Variants in NLRP4 observed in about 807,000 individuals in gnomAD.
NLRP4 encodes the protein NACHT, LRR and PYD domains-containing protein 4.
In NLRP4, 44 loss-of-function variants were observed where a neutral mutation model predicts 84.7. The observed-to-expected ratio is 0.52, with a 90% CI of 0.41 to 0.67. The LOEUF (loss-of-function observed/expected upper bound fraction) is 0.67, where lower values mean the gene tolerates loss of function less well. Ranked by LOEUF, NLRP4 falls within the 30% of genes least tolerant of loss-of-function variation. The pLI, the probability that NLRP4 is intolerant of heterozygous loss-of-function variation, is 0.00. For missense variants in NLRP4, 1,260 were observed against 1,219.4 expected, an observed-to-expected ratio of 1.03 and a Z score of -0.50; for synonymous variants, 544 against 476.4, an observed-to-expected ratio of 1.14 and a Z score of -1.85.
chr19:55,867,690 C>T lies in NLRP4; in HGVS notation c.2187-19C>T, dbSNP rs1471356567. 5 of 1,607,458 alleles carry T rather than the reference C, an allele frequency of 3.1e-6. No homozygotes were observed. The highest frequency in any genetic ancestry group is 1.3e-5 in the African/African-American group (1 of 74,978). ...GGAACTAGAAACCAACAGAATGTGACATTTTCCCTTTCCTGCAGGCTGGTA... is the reference window on the plus strand; with the variant it reads ...GGAACTAGAAACCAACAGAATGTGATATTTTCCCTTTCCTGCAGGCTGGTA... On this transcript the variant is annotated intron_variant, in intron 5 of 9. Transcript: ENST00000301295.
At chr19:55,878,591 G>T (rs1985462645) in intron 8 of NLRP4, among the ~76,000 whole-genome samples, 1 of 152,190 alleles carries the variant, frequency 6.6e-6, no homozygotes, top group Non-Finnish European at 1.5e-5. Flanking sequence ...ATTGCTGTGG[G>T]CAGGGATACA....
At chr19:55,873,087 A>C (rs977974304) in intron 7 of NLRP4, among the ~76,000 whole-genome samples, 2 of 152,192 alleles carry the variant, frequency 1.3e-5, no homozygotes, top group African/African-American at 4.8e-5. Context: ...GGATAAAAAC[A>C]CATTTTCAAA....
At chr19:55,877,269 G>A (rs1985410440) in intron 8 of NLRP4, 103 bp downstream of exon 8, 2 of 1,046,148 alleles carry the variant, frequency 1.9e-6, no homozygotes, top group South Asian at 2.9e-5. Context: ...CCACATAGCA[G>A]CTAGCTGTGG....
At position 55,870,964 on chromosome 19, in the gene NLRP4, T is replaced by C; in HGVS notation, c.2492T>C (p.Leu831Ser). Reference protein sequence around the residue: ...DEGLKTLCEALKHPDCCLDSL... With the variant: ...DEGLKTLCEASKHPDCCLDSL... ...GGACTGAAAACTCTCTGCGAGGCCT[T>C]GAAACATCCGGACTGCTGCCTGGAT... is the stretch of plus-strand genomic sequence containing the variant. The change falls in exon 7 of 10, where the codon TTG becomes TCG. Residue 831 changes from leucine (L) to serine (S), a missense_variant. Transcript: ENST00000301295. The C allele has an allele frequency of 1.2e-6, 2 of 1,614,192 alleles. No homozygotes were observed. The highest frequency in any genetic ancestry group is 2.2e-5 in the South Asian group (2 of 91,088).
At chr19:55,856,805 C>T (rs1427084309) in intron 2 of NLRP4, among the ~76,000 whole-genome samples, 1 of 152,142 alleles carries the variant, frequency 6.6e-6, no homozygotes, top group East Asian at 1.9e-4. Flanking sequence ...TGAACCACTG[C>T]CCCGGCCTGT....
rs752057644 is a variant in NLRP4, at chr19:55,857,742, A to G, written c.349A>G (p.Thr117Ala). ...FSRLWSSKSV[T>A]EIHLYFEEEV... ...CCGCTTATGGTCCAGCAAGTCTGTC[A>G]CTGAGATTCACCTATACTTTGAGGA... Residue 117 changes from threonine (T) to alanine (A), a missense_variant, in exon 3 of 10, where the codon ACT becomes GCT. By Grantham distance (58) the Thr-to-Ala change is moderately conservative. Around this residue, in one of 3 missense-constraint regions of NLRP4, gnomAD observed 712 missense variants for 669.2 expected, o/e 1.06. Transcript: ENST00000301295. 3.1e-6 allele frequency: 5 copies of G among 1,613,796 alleles called. No individual in the cohort carries two copies. In the South Asian group the frequency reaches 5.5e-5, roughly 18 times the overall value.
chr19:55,844,251 T>G (rs914046622), intron 1 of NLRP4, among the ~76,000 whole-genome samples: 11 of 152,102 alleles, frequency 7.2e-5, no homozygotes, highest in Admixed American at 2.6e-4. Flanking sequence ...TCCTCTTCCC[T>G]CTATTCATAT....
At chr19:55,866,843 C>CTT (rs1984974063) in intron 5 of NLRP4, among the ~76,000 whole-genome samples, 1 of 152,126 alleles carries the variant, frequency 6.6e-6, no homozygotes, top group East Asian at 1.9e-4. Context: ...TGTCAAGCAA[C>CTT]TGAAAAAGAA....
intron 9 of NLRP4, among the ~76,000 whole-genome samples, chr19:55,879,852 CAT>C (rs1485722693): frequency 1.3e-5 from 2 of 151,798 alleles, no homozygotes; most frequent in Non-Finnish European, 2.9e-5. Context: ...AATTATGATA[CAT>C]GTTTATATTT....
intron 8 of NLRP4, among the ~76,000 whole-genome samples, chr19:55,878,144 G>A (rs1474678090): frequency 1.3e-5 from 2 of 152,204 alleles, no homozygotes; most frequent in Non-Finnish European, 2.9e-5. Flanking sequence ...GTGCATGCCT[G>A]TAGCCCCAGT....
intron 2 of NLRP4, among the ~76,000 whole-genome samples, chr19:55,853,783 GTC>G (rs1016614504): frequency 1.1e-4 from 16 of 141,394 alleles, no homozygotes; most frequent in South Asian, 4.5e-4. Context: ...CTCTCTTTCT[GTC>G]TCTCTTTCTC....
intron 8 of NLRP4, among the ~76,000 whole-genome samples, chr19:55,878,460 T>G (rs1344355693): frequency 6.6e-6 from 1 of 152,262 alleles, no homozygotes; most frequent in Non-Finnish European, 1.5e-5. Flanking sequence ...ACTCTCCTAA[T>G]CTTGCTTCCA....
chr19:55,864,778 C>A (rs1984890238), intron 5 of NLRP4, among the ~76,000 whole-genome samples: 2 of 151,944 alleles, frequency 1.3e-5, no homozygotes, highest in African/African-American at 4.8e-5. Flanking sequence ...TTATACCCAT[C>A]CTAGTAGATG....
chr19:55,853,534 G>A (rs1392057665), intron 2 of NLRP4, among the ~76,000 whole-genome samples: 1 of 152,008 alleles, frequency 6.6e-6, no homozygotes, highest in African/African-American at 2.4e-5. Context: ...GGGACTACAG[G>A]TGTGTGCCAC....
At chr19:55,844,284 T>C (rs2122997686) in intron 1 of NLRP4, among the ~76,000 whole-genome samples, 1 of 152,174 alleles carries the variant, frequency 6.6e-6, no homozygotes, top group Non-Finnish European at 1.5e-5. Context: ...TCCCCTTTCT[T>C]TTTTCTTTTT....
At chr19:55,841,146 T>G (rs1312536830) in intron 1 of NLRP4, among the ~76,000 whole-genome samples, 1 of 152,224 alleles carries the variant, frequency 6.6e-6, no homozygotes, top group Non-Finnish European at 1.5e-5. Flanking sequence ...GTAGTGATAC[T>G]CAAAATCTTC....
intron 7 of NLRP4, among the ~76,000 whole-genome samples, chr19:55,874,733 C>T (rs1405885863): frequency 6.6e-6 from 1 of 152,064 alleles, no homozygotes; most frequent in Non-Finnish European, 1.5e-5. Flanking sequence ...AGAAACTCCC[C>T]ACCATTTTTT....
intron 1 of NLRP4, among the ~76,000 whole-genome samples, chr19:55,839,924 C>CAA (rs1983541531): frequency 6.6e-6 from 1 of 152,138 alleles, no homozygotes; most frequent in South Asian, 2.1e-4. Flanking sequence ...ATATTCAGTT[C>CAA]AAAATCTTAT....
At chr19:55,863,483 G>A (rs1284922532) in intron 5 of NLRP4, among the ~76,000 whole-genome samples, 1 of 152,102 alleles carries the variant, frequency 6.6e-6, no homozygotes, top group East Asian at 1.9e-4. Context: ...GAGAGAAGAG[G>A]GAGGCGCTAC....
Sources: allele counts gnomAD v4.1 joint callset (sites outside exome capture counted in the v4.1 genomes callset), GRCh38; gene constraint gnomAD v4.1.1; regional missense constraint gnomAD v4.1.1; transcripts MANE v1.5; gene names NCBI Gene and HGNC (gene_info 2026-07-23, HGNC 2026-07-21).